The following C6orf58 variants were observed in gnomAD, a reference collection of about 807,000 sequenced individuals.
C6orf58 encodes the protein protein LEG1 homolog.
Under a neutral mutation model 37.0 loss-of-function variants are expected in C6orf58, and 30 were observed. The ratio of observed to expected loss-of-function variants is 0.81; its 90% confidence interval spans 0.61 to 1.10. C6orf58 has a LOEUF of 1.10. Ranked by LOEUF, C6orf58 falls within the 50% of genes least tolerant of loss-of-function variation. The pLI, the probability that C6orf58 is intolerant of heterozygous loss-of-function variation, is 0.00. For missense variants in C6orf58, 368 were observed against 387.5 expected (o/e 0.95, Z 0.42); for synonymous variants, 143 against 134.1 (o/e 1.07, Z -0.46).
At chr6:127,581,864 CA>C (rs1428929833) in intron 4 of C6orf58, among the ~76,000 whole-genome samples, 4 of 152,166 alleles carry the variant, frequency 2.6e-5, no homozygotes, top group African/African-American at 9.7e-5. Flanking sequence ...GATCAGTTGG[CA>C]GCCTGTGATT....
At chr6:127,582,936 T>C (rs972249415) in intron 4 of C6orf58, among the ~76,000 whole-genome samples, 6 of 152,230 alleles carry the variant, frequency 3.9e-5, no homozygotes, top group Non-Finnish European at 5.9e-5. Flanking sequence ...GATAGTCTCC[T>C]GTGTGAGATG....
Position 127,591,554 on chromosome 6 carries a change from A to C in C6orf58, c.925A>C (p.Thr309Pro). The C allele has an allele frequency of 6.6e-7, 1 of 1,521,838 alleles. No homozygotes were observed. The highest frequency in any genetic ancestry group is 8.7e-7 in the Non-Finnish European group (1 of 1,143,510). 94.3% of individuals were successfully genotyped at this position (1,521,838 alleles called of 1,614,324 possible). A position where few individuals can be genotyped will look rare whatever the true frequency, so the allele number is the denominator to read the frequency against. ...NVDKSIGYLC[T>P]EKSNVYRDHS... ...TGTATCTTTTACAGGTTATCTTTGT[A>C]CAGAAAAATCTAATGTATATAGAGA... The change falls in exon 6 of 6, where the codon ACA becomes CCA. Residue 309 changes from threonine (T) to proline (P), a missense_variant. Transcript: ENST00000329722.
rs746344836 is a variant in C6orf58 at position 127,581,186 on chromosome 6, T to A, written c.578T>A (p.Leu193Ter). 3.4e-6 allele frequency: 5 copies of A among 1,470,208 alleles called. No homozygotes were observed. Among genetic ancestry groups the A allele is most frequent in the Non-Finnish European group, 4.6e-6 (5 of 1,091,324 alleles). The allele number at this position is 1,470,208 out of a possible 1,614,324, so 91.1% of individuals were successfully genotyped here. A position where few individuals can be genotyped will look rare whatever the true frequency, so the allele number is the denominator to read the frequency against. ...AATTTGACCTCTTTACCTTAGTATT[T>A]GCAGTCACCTTTTAGTAAGTTTGAT... ...MNKWNTFYQY[L>*]QSPFSKFDDL... The change falls in exon 4 of 6, where the codon TTG becomes TAG. Residue 193 changes from leucine (L) to a stop codon, truncating the protein, a stop_gained. Coordinates refer to ENST00000329722, the MANE Select transcript of C6orf58 (RefSeq NM_001010905.3). LOFTEE classifies it high-confidence loss of function.
At chr6:127,584,150 T>C (rs544415431) in intron 4 of C6orf58, among the ~76,000 whole-genome samples, 54 of 152,332 alleles carry the variant, frequency 3.5e-4, no homozygotes, top group African/African-American at 1.3e-3. Context: ...TGTTATAGCA[T>C]TTGCCTTCTC....
chr6:127,583,910 A>C (rs1775076485), intron 4 of C6orf58, among the ~76,000 whole-genome samples: 1 of 152,254 alleles, frequency 6.6e-6, no homozygotes, highest in African/African-American at 2.4e-5. Context: ...AAACTATTTC[A>C]TAAAGAGTCA....
chr6:127,585,759 A>G (rs1458612102), intron 4 of C6orf58, among the ~76,000 whole-genome samples: 1 of 152,146 alleles, frequency 6.6e-6, no homozygotes, highest in Non-Finnish European at 1.5e-5. Context: ...TTCTCTTCTA[A>G]TTTTAGCCAA....
At chr6:127,578,894 A>G in intron 2 of C6orf58, 122 bp downstream of exon 2, 1 of 723,276 alleles carries the variant, frequency 1.4e-6, no homozygotes, top group Non-Finnish European at 2.4e-6. Flanking sequence ...AAAGGAATCT[A>G]TTTCACCGTG....
intron 4 of C6orf58, among the ~76,000 whole-genome samples, chr6:127,584,064 A>C (rs1281390768): frequency 6.6e-6 from 1 of 152,232 alleles, no homozygotes; most frequent in Non-Finnish European, 1.5e-5. Context: ...CTTTTCTGAT[A>C]AAATGAGTGC....
Position 127,590,238 on chromosome 6 carries a change from G to C in C6orf58, c.826G>C (p.Val276Leu). Residue 276 changes from valine to leucine, a missense_variant, in exon 5 of 6, where the codon GTA becomes CTA. Transcript: ENST00000329722. The stretch of plus-strand genomic sequence containing the variant: ...ACCACGAATTCTTCTTAATACTGAT[G>C]TAGCCCCTTTCATCAGTGACTTTAC... ...MPPRILLNTD[V>L]APFISDFTAF... 6.2e-7 allele frequency: 1 copy of C among 1,613,724 alleles called. No individual in the cohort carries two copies. Among genetic ancestry groups the C allele is most frequent in the Non-Finnish European group, 8.5e-7 (1 of 1,179,798 alleles).
chr6:127,585,160 TA>T (rs1775094072), intron 4 of C6orf58, among the ~76,000 whole-genome samples: 2 of 152,204 alleles, frequency 1.3e-5, no homozygotes, highest in South Asian at 4.1e-4. Context: ...CATTACTTAT[TA>T]TTTGACAATG....
At chr6:127,581,014 GTTAT>G (rs1775044240) in intron 3 of C6orf58, among the ~76,000 whole-genome samples, 164 bp from the exon 4 acceptor site, 1 of 151,982 alleles carries the variant, frequency 6.6e-6, no homozygotes, top group Admixed American at 6.6e-5. Context: ...ATATTTTTGT[GTTAT>G]TTAAAGAGTG....
At chr6:127,590,911 T>C (rs550222545) in intron 5 of C6orf58, among the ~76,000 whole-genome samples, 7 of 152,100 alleles carry the variant, frequency 4.6e-5, no homozygotes, top group Non-Finnish European at 8.8e-5. Flanking sequence ...AACTGAAGCA[T>C]TGAGCCAAAT....
In C6orf58 at chr6:127,580,333, T is replaced by C. The variant is rs368558222; in HGVS notation, c.457T>C (p.Ser153Pro). ...AVDSGVMGIS[S>P]DQVRLLPPPK... ...TGATTCTGGTGTAATGGGGATATCA[T>C]CAGACCAAGTCAGGCTTTTGCCCCC... Residue 153 changes from serine to proline, a missense_variant, in exon 3 of 6, where the codon TCA becomes CCA. Ser to Pro is a moderately conservative substitution (Grantham distance 74, BLOSUM62 -1). Coordinates refer to ENST00000329722, the MANE Select transcript of C6orf58 (RefSeq NM_001010905.3). 1.6e-5 allele frequency: 26 copies of C among 1,613,022 alleles called. No homozygotes were observed. In the African/African-American group the frequency reaches 3.3e-4, roughly 21 times the overall value.
chr6:127,591,264 C>T (rs367870159), intron 5 of C6orf58, among the ~76,000 whole-genome samples: 1 of 152,154 alleles, frequency 6.6e-6, no homozygotes, highest in East Asian at 1.9e-4. Context: ...AATAATATAA[C>T]AATGACATTT....
rs1469686429 is a variant in C6orf58 at position 127,591,779 on chromosome 6, A to G, written c.*157A>G. On this transcript the variant is annotated 3_prime_UTR_variant, in exon 6 of 6. Coordinates refer to ENST00000329722, the MANE Select transcript of C6orf58 (RefSeq NM_001010905.3). ...ATGCTTATTTGTTAAGATCTTGTAC[A>G]TGTATTAAAAACTTAAATTAAATGC... The G allele has an allele frequency of 2.4e-5, 14 of 589,114 alleles. No homozygotes were observed. The East Asian group carries it at 3.1e-4, about 13-fold the overall frequency. The allele number at this position is 589,114 out of a possible 1,614,324, so 36.5% of individuals were successfully genotyped here. A position where few individuals can be genotyped will look rare whatever the true frequency, so the allele number is the denominator to read the frequency against.
intron 2 of C6orf58, 46 bp downstream of exon 2, chr6:127,578,818 G>T: frequency 7.2e-7 from 1 of 1,398,406 alleles, no homozygotes; most frequent in Middle Eastern, 1.8e-4. Context: ...TTTCCTGAAA[G>T]AAAGCATTCA....
At chr6:127,583,601 A>C (rs944631837) in intron 4 of C6orf58, among the ~76,000 whole-genome samples, 2 of 152,092 alleles carry the variant, frequency 1.3e-5, no homozygotes, top group African/African-American at 2.4e-5. Context: ...GAGTTGAGAA[A>C]TGTGGATCCA....
At chr6:127,578,422 G>T (rs1775012830) in intron 1 of C6orf58, among the ~76,000 whole-genome samples, 1 of 151,872 alleles carries the variant, frequency 6.6e-6, no homozygotes, top group Admixed American at 6.6e-5. Flanking sequence ...AGGTAGAGGA[G>T]GAAATAGAAG....
chr6:127,590,881 A>G (rs973486956), intron 5 of C6orf58, among the ~76,000 whole-genome samples: 1 of 152,144 alleles, frequency 6.6e-6, no homozygotes, highest in Non-Finnish European at 1.5e-5. Flanking sequence ...TGACTATATC[A>G]TTCCCATTTG....
Sources: gnomAD v4.1 joint callset for allele counts (sites outside exome capture counted in the v4.1 genomes callset) on GRCh38, gnomAD v4.1.1 for gene constraint, MANE v1.5 for transcripts, NCBI Gene and HGNC (gene_info 2026-07-23, HGNC 2026-07-21) for gene names.